ITGAM: variants seen among roughly 807,000 people sequenced by gnomAD.
ITGAM encodes integrin alpha-M.
A neutral mutation model predicts 137.5 loss-of-function variants in ITGAM; 79 were observed. The ratio of observed to expected loss-of-function variants is 0.57; its 90% CI spans 0.48 to 0.69. The LOEUF (loss-of-function observed/expected upper bound fraction) is 0.69, where lower values mean the gene tolerates loss of function less well. Ranked by LOEUF, ITGAM falls within the 30% of genes least tolerant of loss-of-function variation. The probability of loss-of-function intolerance (pLI) is 0.00; values close to 1 mark genes in which losing one functional copy is unlikely to be tolerated. For synonymous variants in ITGAM, 583 were observed against 592.3 expected, an observed-to-expected ratio of 0.98 and a Z score of 0.23; for missense variants, 1,343 against 1,483.5, an observed-to-expected ratio of 0.91 and a Z score of 1.56.
At chr16:31,287,754 A>G (rs1193405894) in intron 12 of ITGAM, among the ~76,000 whole-genome samples, 4 of 152,132 alleles carry the variant, frequency 2.6e-5, no homozygotes, top group South Asian at 2.1e-4. Flanking sequence ...CCAATAGTCA[A>G]ATTCTTCACG....
chr16:31,323,524 G>A (rs144416850), intron 16 of ITGAM, among the ~76,000 whole-genome samples: 16 of 151,794 alleles, frequency 1.1e-4, no homozygotes, highest in South Asian at 4.2e-4. Flanking sequence ...ATCATTGTAC[G>A]TTATAATCAA....
chr16:31,269,251 A>C, intron 5 of ITGAM, among the ~76,000 whole-genome samples: 1 of 152,148 alleles, frequency 6.6e-6, no homozygotes, highest in African/African-American at 2.4e-5. Flanking sequence ...GGTCTGCAAA[A>C]TATCTCAAGC....
intron 12 of ITGAM, among the ~76,000 whole-genome samples, chr16:31,280,304 T>C (rs538047362): frequency 6.6e-6 from 1 of 152,342 alleles, no homozygotes; most frequent in Admixed American, 6.5e-5. Context: ...GGGGAAGGCA[T>C]TGAATCTATG....
chr16:31,289,479 A>G lies in ITGAM; in HGVS notation c.1357-8035A>G, dbSNP rs549474777. ...AGGGACATGGATGAAGCTGGAAACC[A>G]TCATTCTCAGCAAACTATCGCAAGA... On this transcript the variant is annotated intron_variant, in intron 12 of 29. Transcript: ENST00000544665. 3.0e-4 allele frequency among the ~76,000 whole-genome samples: 45 copies of G among 152,314 alleles called. No homozygotes were observed. In the South Asian group the frequency reaches 9.3e-3, roughly 32 times the overall value.
intron 12 of ITGAM, among the ~76,000 whole-genome samples, chr16:31,287,828 G>A (rs1363763337): frequency 1.3e-5 from 2 of 149,688 alleles, no homozygotes; most frequent in African/African-American, 5.1e-5. Flanking sequence ...AAGGGATGGG[G>A]TGGGGAAAAA....
chr16:31,313,640 T>C (rs2080359055), intron 14 of ITGAM, among the ~76,000 whole-genome samples: 1 of 152,238 alleles, frequency 6.6e-6, no homozygotes, highest in Admixed American at 6.5e-5. Flanking sequence ...GATGGGCATT[T>C]AGGTTGGTTC....
At chr16:31,295,570 A>T (rs1162530790) in intron 12 of ITGAM, among the ~76,000 whole-genome samples, 1 of 151,264 alleles carries the variant, frequency 6.6e-6, no homozygotes, top group African/African-American at 2.4e-5. Flanking sequence ...TTTATTCATT[A>T]GTTCTAGTAG....
chr16:31,277,872 G>T (rs976183531), intron 11 of ITGAM, 95 bp from the exon 12 acceptor site: 6 of 1,297,426 alleles, frequency 4.6e-6, no homozygotes, highest in Non-Finnish European at 5.3e-6. Flanking sequence ...CACAGCAAGC[G>T]TGGGGCTGCC....
At chr16:31,312,452 G>A (rs1280559032) in intron 14 of ITGAM, among the ~76,000 whole-genome samples, 1 of 151,986 alleles carries the variant, frequency 6.6e-6, no homozygotes, top group African/African-American at 2.4e-5. Flanking sequence ...TTTGAGACAG[G>A]GTCTTGGTCT....
In ITGAM at chr16:31,331,988, T is replaced by C. The variant is rs948378691; in HGVS notation, c.*281T>C. Reference sequence around the variant, plus strand: ...CCAAGTGTGTGTGCGTGTGTCCATGTGTGTGCAAGTGTGTGCATGTGTGCG... The same window carrying C: ...CCAAGTGTGTGTGCGTGTGTCCATGCGTGTGCAAGTGTGTGCATGTGTGCG... On this transcript the variant is annotated 3_prime_UTR_variant, in exon 30 of 30. Coordinates refer to ENST00000544665, the MANE Select transcript of ITGAM (RefSeq NM_000632.4). The C allele has an allele frequency of 6.1e-6, 3 of 487,956 alleles. No individual in the cohort carries two copies. Among genetic ancestry groups the C allele is most frequent in the Non-Finnish European group, 1.1e-5 (3 of 273,338 alleles). The allele number at this position is 487,956 out of a possible 1,614,324, so 30.2% of individuals were successfully genotyped here.
At chr16:31,312,512 G>A (rs570177081) in intron 14 of ITGAM, among the ~76,000 whole-genome samples, 1 of 152,224 alleles carries the variant, frequency 6.6e-6, no homozygotes, top group South Asian at 2.1e-4. Context: ...CTGCAGCCTT[G>A]ACCTCCCAGG....
chr16:31,293,593 A>G (rs1268206159), intron 12 of ITGAM, among the ~76,000 whole-genome samples: 1 of 152,094 alleles, frequency 6.6e-6, no homozygotes, highest in African/African-American at 2.4e-5. Context: ...CCATTGGTCT[A>G]TGTGCCTGTT....
chr16:31,266,649 G>A (rs2079771770), intron 5 of ITGAM, among the ~76,000 whole-genome samples: 1 of 151,866 alleles, frequency 6.6e-6, no homozygotes, highest in Admixed American at 6.6e-5. Flanking sequence ...AGTTGAAGCT[G>A]CAGCAAGTTA....
intron 16 of ITGAM, among the ~76,000 whole-genome samples, chr16:31,322,420 C>A (rs537503455): frequency 2.0e-5 from 3 of 152,034 alleles, no homozygotes; most frequent in Non-Finnish European, 4.4e-5. Context: ...GAAGAGGTAC[C>A]CTTAAACCTA....
At chr16:31,298,193 A>C (rs1266727633) in intron 14 of ITGAM, among the ~76,000 whole-genome samples, 2 of 114,790 alleles carry the variant, frequency 1.7e-5, no homozygotes, top group African/African-American at 3.9e-5. Flanking sequence ...CATGGTGAGA[A>C]CCCATCTCTC....
At chr16:31,306,252 G>A (rs1350376181) in intron 14 of ITGAM, among the ~76,000 whole-genome samples, 5 of 151,940 alleles carry the variant, frequency 3.3e-5, no homozygotes, top group East Asian at 1.9e-4. Flanking sequence ...TTTTTTTGAC[G>A]CTTCATAATT....
chr16:31,274,910 C>T (rs905131698), intron 8 of ITGAM, among the ~76,000 whole-genome samples: 40 of 152,322 alleles, frequency 2.6e-4, no homozygotes, highest in South Asian at 8.3e-4. Context: ...TGAGCCACTG[C>T]ACCTGGCCTA....
At chr16:31,295,437 A>AT (rs35912325) in intron 12 of ITGAM, among the ~76,000 whole-genome samples, 3 of 150,824 alleles carry the variant, frequency 2.0e-5, no homozygotes, top group African/African-American at 4.9e-5. Flanking sequence ...AAGCTTAGGT[A>AT]TTTTTTTTGA....
chr16:31,283,556 G>T (rs2079993712), intron 12 of ITGAM, among the ~76,000 whole-genome samples: 1 of 152,116 alleles, frequency 6.6e-6, no homozygotes, highest in South Asian at 2.1e-4. Flanking sequence ...TCATGCCATG[G>T]TTTTCAGCTC....
Sources: gnomAD v4.1 joint callset for allele counts (sites outside exome capture counted in the v4.1 genomes callset) on GRCh38, gnomAD v4.1.1 for gene constraint, MANE v1.5 for transcripts, NCBI Gene and HGNC (gene_info 2026-07-23, HGNC 2026-07-21) for gene names.